The following C10orf67 variants were observed in gnomAD, a reference collection of about 807,000 sequenced individuals.
C10orf67 encodes chromosome 10 open reading frame 67.
C10orf67 carries 60 observed loss-of-function variants against 35.6 expected under a neutral mutation model. The observed-to-expected ratio is 1.68, with a 90% CI of 1.37 to 2.09. The LOEUF (loss-of-function observed/expected upper bound fraction) is 2.09. C10orf67 is among the 30% of genes most tolerant of loss of function. The probability of loss-of-function intolerance (pLI) is 0.00; values close to 1 mark genes in which losing one functional copy is unlikely to be tolerated. For synonymous variants in C10orf67, 167 were observed against 115.8 expected (o/e 1.44, Z -2.84); for missense variants, 474 against 330.2 (o/e 1.44, Z -3.38).
At chr10:23,289,033 T>C (rs1050557841) in intron 7 of C10orf67, among the ~76,000 whole-genome samples, 10 of 152,054 alleles carry the variant, frequency 6.6e-5, no homozygotes, top group African/African-American at 2.4e-4. Context: ...AGAGCCACAA[T>C]AGGGAAGTTT....
In C10orf67 at chr10:23,344,714, G is replaced by C; in HGVS notation, c.61C>G (p.His21Asp). The C allele has an allele frequency of 6.4e-7, 1 of 1,574,150 alleles. No individual in the cohort carries two copies. Among genetic ancestry groups the C allele is most frequent in the South Asian group, 1.2e-5 (1 of 85,358 alleles). Residue 21 changes from histidine (H) to aspartate (D), a missense_variant, in exon 1 of 16, where the codon CAC becomes GAC. Physicochemically the swap from His to Asp is moderately conservative, Grantham distance 81. Coordinates refer to ENST00000636213, the MANE Select transcript of C10orf67 (RefSeq NM_001371909.1). Reference sequence around the variant, plus strand: ...CCCCTCAAGGAGGAGGAAAAGCAGTGAACCCATCTAATAACTATGCTCATG... The same window carrying C: ...CCCCTCAAGGAGGAGGAAAAGCAGTCAACCCATCTAATAACTATGCTCATG... The part of the protein sequence containing the change: ...YVMSIVIRWV[H>D]CFSSSLRGTF...
At chr10:23,333,810 GAAC>G (rs1337117460) in intron 1 of C10orf67, among the ~76,000 whole-genome samples, 6 of 152,018 alleles carry the variant, frequency 3.9e-5, no homozygotes, top group Non-Finnish European at 8.8e-5. Context: ...TTTTGTTTTA[GAAC>G]AATACAGCTA....
chr10:23,251,562 A>G (rs1017046123), intron 10 of C10orf67, among the ~76,000 whole-genome samples: 7 of 152,210 alleles, frequency 4.6e-5, no homozygotes, highest in Non-Finnish European at 1.0e-4. Context: ...ACTTCCGTGG[A>G]TGTGGCAGAG....
In C10orf67 at chr10:23,206,881, T is replaced by C. The variant is rs1841171922; in HGVS notation, c.1571-2626A>G. Among the ~76,000 whole-genome samples the C allele has an allele frequency of 2.0e-5, 3 of 152,182 alleles. No homozygotes were observed. In the South Asian group the frequency reaches 6.2e-4, roughly 31 times the overall value. On this transcript the variant is annotated intron_variant, in intron 15 of 15. Coordinates refer to ENST00000636213, the MANE Select transcript of C10orf67 (RefSeq NM_001371909.1). ...CTCTTTCTGTGGATAATTTAAAAGA[T>C]ATAATATTTTAATATAGTTTAAAAA...
chr10:23,342,302 TA>T (rs1336643110), intron 1 of C10orf67, among the ~76,000 whole-genome samples: 1 of 152,126 alleles, frequency 6.6e-6, no homozygotes, highest in Non-Finnish European at 1.5e-5. Flanking sequence ...TCCTTATCAC[TA>T]ACCACTATCT....
intron 7 of C10orf67, among the ~76,000 whole-genome samples, chr10:23,282,885 T>C (rs1479398430): frequency 2.0e-5 from 3 of 150,498 alleles, no homozygotes; most frequent in African/African-American, 7.4e-5. Context: ...CTTACGGAGA[T>C]AGAGAGAAGA....
chr10:23,261,797 A>G (rs1842756975), intron 10 of C10orf67, among the ~76,000 whole-genome samples: 2 of 152,220 alleles, frequency 1.3e-5, no homozygotes, highest in South Asian at 4.1e-4. Flanking sequence ...AGATGAATCA[A>G]TAAGAGGAAA....
At chr10:23,247,580 A>T (rs1842349597) in intron 12 of C10orf67, among the ~76,000 whole-genome samples, 1 of 152,212 alleles carries the variant, frequency 6.6e-6, no homozygotes, top group Non-Finnish European at 1.5e-5. Context: ...GTGACACATG[A>T]CTGTCATTTA....
chr10:23,331,189 G>GAACC (rs1272497999), intron 2 of C10orf67, among the ~76,000 whole-genome samples: 4 of 102,334 alleles, frequency 3.9e-5, no homozygotes, highest in African/African-American at 4.1e-5. Context: ...GGAAGGGAAG[G>GAACC]GAAGGGAAGG....
At chr10:23,246,860 T>TACTCCTCACTCCAA (rs1842330234) in intron 12 of C10orf67, among the ~76,000 whole-genome samples, 5 of 152,224 alleles carry the variant, frequency 3.3e-5, no homozygotes, top group Admixed American at 3.3e-4. Context: ...GGTCTCACTC[T>TACTCCTCACTCCAA]GTCACCCAGG....
At chr10:23,326,104 G>T (rs1845183132) in intron 2 of C10orf67, among the ~76,000 whole-genome samples, 1 of 152,076 alleles carries the variant, frequency 6.6e-6, no homozygotes, top group East Asian at 1.9e-4. Flanking sequence ...TAGAAAAAGT[G>T]GGGTGGAACA....
chr10:23,340,569 G>A (rs1380551604), intron 1 of C10orf67, among the ~76,000 whole-genome samples: 1 of 152,078 alleles, frequency 6.6e-6, no homozygotes, highest in East Asian at 1.9e-4. Context: ...ATGACTCTCC[G>A]ATTTCACCAG....
chr10:23,290,590 A>G (rs375772047), intron 6 of C10orf67, among the ~76,000 whole-genome samples: 4 of 152,310 alleles, frequency 2.6e-5, no homozygotes, highest in Admixed American at 6.5e-5. Flanking sequence ...CGGTGATTTA[A>G]ACACAACTTT....
intron 8 of C10orf67, among the ~76,000 whole-genome samples, chr10:23,269,863 A>T (rs1842972213): frequency 6.6e-6 from 1 of 152,172 alleles, no homozygotes; most frequent in Admixed American, 6.6e-5. Flanking sequence ...GCCTAATAAC[A>T]GAGCTAAAAA....
intron 7 of C10orf67, among the ~76,000 whole-genome samples, chr10:23,288,266 A>G (rs948097160): frequency 6.6e-6 from 1 of 152,248 alleles, no homozygotes; most frequent in Non-Finnish European, 1.5e-5. Context: ...TGGTACATAT[A>G]CACCATGGAA....
chr10:23,227,133 A>G (rs1204562742), intron 13 of C10orf67, among the ~76,000 whole-genome samples: 2 of 152,156 alleles, frequency 1.3e-5, no homozygotes, highest in Non-Finnish European at 2.9e-5. Flanking sequence ...CAGACACACA[A>G]CAAAAGAAAA....
rs562005080 is a variant in C10orf67 at position 23,224,821 on chromosome 10, GA to G, written c.1435-1004del. Among the ~76,000 whole-genome samples, 36 of 152,124 alleles carry G rather than the reference GA, an allele frequency of 2.4e-4. No homozygotes were observed. In the East Asian group the frequency reaches 5.6e-3, roughly 24 times the overall value. ...AATGAAATGAAGCGAGAAGTTTAGA[GA>G]AAAAAGAGTAAAAAGAAACAAAGCC... On this transcript the variant is annotated intron_variant, in intron 13 of 15. Transcript: ENST00000636213.
chr10:23,310,419 T>C (rs1588679550), intron 4 of C10orf67, among the ~76,000 whole-genome samples: 1 of 152,332 alleles, frequency 6.6e-6, no homozygotes, highest in South Asian at 2.1e-4. Context: ...AACTATCTGG[T>C]GCAGAGGAGA....
At chr10:23,220,298 C>G (rs934393859) in intron 15 of C10orf67, among the ~76,000 whole-genome samples, 1 of 152,126 alleles carries the variant, frequency 6.6e-6, no homozygotes, top group Admixed American at 6.6e-5. Flanking sequence ...ATACTATGAA[C>G]AGCTCAAGAG....
Sources: gnomAD v4.1 joint callset for allele counts (sites outside exome capture counted in the v4.1 genomes callset) on GRCh38, gnomAD v4.1.1 for gene constraint, MANE v1.5 for transcripts, NCBI Gene and HGNC (gene_info 2026-07-23, HGNC 2026-07-21) for gene names.